The following CADPS variants were observed in gnomAD, a reference collection of about 807,000 sequenced individuals.
The protein encoded by CADPS is calcium dependent secretion activator.
A neutral mutation model predicts 167.3 loss-of-function variants in CADPS; 57 were observed. The ratio of observed to expected loss-of-function variants is 0.34; its 90% confidence interval spans 0.28 to 0.42. The LOEUF (loss-of-function observed/expected upper bound fraction) is 0.42, where lower values mean the gene tolerates loss of function less well. CADPS is among the 20% of genes least tolerant of loss of function. The pLI is 1.00. For synonymous variants in CADPS, 676 were observed against 635.3 expected, an observed-to-expected ratio of 1.06 and a Z score of -0.96; for missense variants, 1,414 against 1,738.1, an observed-to-expected ratio of 0.81 and a Z score of 3.32.
rs146748862 is a variant in CADPS at position 62,569,382 on chromosome 3, G to A, written c.1644+1490C>T. ...TTCCCAAAGTGCTGGGATTACAGGCGTGAGCCACCGTGCTGGGCAGCCGTG... is the reference window on the plus strand; with the variant it reads ...TTCCCAAAGTGCTGGGATTACAGGCATGAGCCACCGTGCTGGGCAGCCGTG... On this transcript the variant is annotated intron_variant, in intron 9 of 29. Coordinates refer to ENST00000383710, the MANE Select transcript of CADPS (RefSeq NM_003716.4). Among the ~76,000 whole-genome samples the A allele has an allele frequency of 4.6e-3, 708 of 152,310 alleles. 2 individuals are homozygous for A. The highest frequency in any genetic ancestry group is 0.015 in the African/African-American group (637 of 41,568).
intron 1 of CADPS, among the ~76,000 whole-genome samples, chr3:62,847,252 C>A (rs2077616725): frequency 7.1e-6 from 1 of 141,194 alleles, no homozygotes; most frequent in South Asian, 2.4e-4. Context: ...CAAATCCCAG[C>A]AGCATTTTCT....
intron 6 of CADPS, among the ~76,000 whole-genome samples, chr3:62,598,716 A>G (rs2059266739): frequency 6.6e-6 from 1 of 152,196 alleles, no homozygotes; most frequent in Non-Finnish European, 1.5e-5. Context: ...GTCACACACA[A>G]GGAGTAAATG....
intron 20 of CADPS, 56 bp from the exon 21 acceptor site, chr3:62,491,536 AAC>A (rs34655412): frequency 0.073 from 72,054 of 987,476 alleles, 2,512 homozygotes; most frequent in East Asian, 0.19. Flanking sequence ...ATCAACGTAC[AAC>A]ACACACACAC....
intron 9 of CADPS, among the ~76,000 whole-genome samples, chr3:62,561,407 C>A (rs2079127740): frequency 6.6e-6 from 1 of 151,842 alleles, no homozygotes; most frequent in South Asian, 2.1e-4. Context: ...CATGTACCAC[C>A]ATGCCTGGCT....
At chr3:62,831,914 G>A (rs2075162431) in intron 1 of CADPS, among the ~76,000 whole-genome samples, 1 of 152,166 alleles carries the variant, frequency 6.6e-6, no homozygotes, top group Non-Finnish European at 1.5e-5. Flanking sequence ...CAGGGATACA[G>A]ACTAGTTAAG....
chr3:62,417,679 A>T (rs1399990841), intron 28 of CADPS, among the ~76,000 whole-genome samples: 2 of 151,998 alleles, frequency 1.3e-5, no homozygotes, highest in Non-Finnish European at 2.9e-5. Context: ...TTCTATAGTG[A>T]CATTAATAAT....
intron 3 of CADPS, among the ~76,000 whole-genome samples, chr3:62,682,696 T>C (rs2077341412): frequency 6.6e-6 from 1 of 152,068 alleles, no homozygotes; most frequent in Non-Finnish European, 1.5e-5. Flanking sequence ...CTTTCCTTCC[T>C]TCTCCTTTCC....
chr3:62,835,009 A>C (rs1157982184), intron 1 of CADPS, among the ~76,000 whole-genome samples: 3 of 152,198 alleles, frequency 2.0e-5, no homozygotes, highest in Admixed American at 2.0e-4. Flanking sequence ...GATAATATTT[A>C]AAGGAGCAGA....
At chr3:62,491,594 A>C in intron 20 of CADPS, 114 bp from the exon 21 acceptor site, 1 of 809,276 alleles carries the variant, frequency 1.2e-6, no homozygotes, top group Non-Finnish European at 1.9e-6. Flanking sequence ...CAGATGATTG[A>C]TTGTCTTCTA....
intron 11 of CADPS, among the ~76,000 whole-genome samples, chr3:62,538,638 G>A (rs1041520173): frequency 2.0e-4 from 30 of 152,246 alleles, no homozygotes; most frequent in Non-Finnish European, 2.8e-4. Flanking sequence ...CAAACCGGCC[G>A]GGGCCTTACT....
chr3:62,864,586 G>T (rs1483708257), intron 1 of CADPS, among the ~76,000 whole-genome samples: 1 of 152,122 alleles, frequency 6.6e-6, no homozygotes, highest in African/African-American at 2.4e-5. Flanking sequence ...ACCCCAATCT[G>T]TCTTCCTTTT....
intron 13 of CADPS, among the ~76,000 whole-genome samples, chr3:62,522,403 T>C (rs1401033564): frequency 1.3e-5 from 2 of 152,150 alleles, no homozygotes; most frequent in Non-Finnish European, 2.9e-5. Context: ...CCTTGCAAAA[T>C]GCTGGCATTA....
intron 23 of CADPS, among the ~76,000 whole-genome samples, 187 bp from the exon 24 acceptor site, chr3:62,474,507 C>T (rs2061021372): frequency 6.6e-6 from 1 of 152,130 alleles, no homozygotes; most frequent in African/African-American, 2.4e-5. Flanking sequence ...CGGAGACAGA[C>T]ATGCACACCC....
At chr3:62,516,869 A>G (rs1412279578) in intron 14 of CADPS, among the ~76,000 whole-genome samples, 2 of 152,178 alleles carry the variant, frequency 1.3e-5, no homozygotes, top group Non-Finnish European at 2.9e-5. Flanking sequence ...TGTCTGCAGC[A>G]GAAAAGAATA....
chr3:62,764,529 A>T (rs964110762), intron 2 of CADPS, among the ~76,000 whole-genome samples: 1 of 152,248 alleles, frequency 6.6e-6, no homozygotes, highest in Non-Finnish European at 1.5e-5. Context: ...AACATCACAA[A>T]GATTGTTTAC....
At chr3:62,418,585 C>G (rs2050677677) in intron 28 of CADPS, among the ~76,000 whole-genome samples, 1 of 150,380 alleles carries the variant, frequency 6.6e-6, no homozygotes. Flanking sequence ...AAGTGATCCA[C>G]CAGCCTCAGC....
rs1171119688 is a variant in CADPS, at chr3:62,446,407, G to T, written c.3637-610C>A. Among the ~76,000 whole-genome samples the T allele has an allele frequency of 1.3e-5, 2 of 152,128 alleles. No homozygotes were observed. The highest frequency in any genetic ancestry group is 2.4e-5 in the African/African-American group (1 of 41,442). On this transcript the variant is annotated intron_variant, in intron 26 of 29. Coordinates refer to ENST00000383710, the MANE Select transcript of CADPS (RefSeq NM_003716.4). This position sits in a 1 kb window ranked among gnomAD's most constrained non-coding sequence, Gnocchi z 4.9. ...AAGTGGTTATAAAATTTTTAGTTTTGTGGGGAGGGAGTATGGTAGCGTGCT... is the reference window on the plus strand; with the variant it reads ...AAGTGGTTATAAAATTTTTAGTTTTTTGGGGAGGGAGTATGGTAGCGTGCT...
At chr3:62,615,318 G>A (rs2062086763) in intron 6 of CADPS, among the ~76,000 whole-genome samples, 1 of 152,164 alleles carries the variant, frequency 6.6e-6, no homozygotes, top group African/African-American at 2.4e-5. Context: ...GTGACTATTG[G>A]AATGGCAGCT....
At chr3:62,713,855 C>T (rs2083881197) in intron 3 of CADPS, among the ~76,000 whole-genome samples, 1 of 152,198 alleles carries the variant, frequency 6.6e-6, no homozygotes, top group Non-Finnish European at 1.5e-5. Flanking sequence ...GCTGATGTTT[C>T]TCAGGGGTTG....
Sources: allele counts gnomAD v4.1 joint callset (sites outside exome capture counted in the v4.1 genomes callset), GRCh38; gene constraint gnomAD v4.1.1; non-coding constraint Gnocchi (gnomAD v3.1); transcripts MANE v1.5; gene names NCBI Gene and HGNC (gene_info 2026-07-23, HGNC 2026-07-21).